RBFOX1: variants seen among roughly 807,000 people sequenced by gnomAD.
RBFOX1 encodes the protein RNA binding fox-1 homolog 1.
In RBFOX1, 8 loss-of-function variants were observed where a neutral mutation model predicts 57.7. The ratio of observed to expected loss-of-function variants is 0.14; its 90% CI spans 0.08 to 0.25. The LOEUF is 0.25. RBFOX1 is among the 10% of genes least tolerant of loss of function. RBFOX1 has a pLI of 1.00. For missense variants in RBFOX1, 611 were observed against 548.5 expected, an observed-to-expected ratio of 1.11 and a Z score of -1.14; for synonymous variants, 326 against 222.4, an observed-to-expected ratio of 1.47 and a Z score of -4.15.
At chr16:6,408,072 C>G (rs2093346563) in intron 2 of RBFOX1, among the ~76,000 whole-genome samples, 1 of 152,098 alleles carries the variant, frequency 6.6e-6, no homozygotes, top group Non-Finnish European at 1.5e-5. Flanking sequence ...ACAGAAGGCA[C>G]CATCTATAAG....
chr16:7,640,137 C>T (rs2062519859), intron 11 of RBFOX1, among the ~76,000 whole-genome samples: 1 of 152,186 alleles, frequency 6.6e-6, no homozygotes, highest in Non-Finnish European at 1.5e-5. Context: ...TATTTTTAAT[C>T]CCTGCAACCA....
chr16:6,797,121 G>C (rs889573217), intron 3 of RBFOX1, among the ~76,000 whole-genome samples: 1 of 152,178 alleles, frequency 6.6e-6, no homozygotes, highest in African/African-American at 2.4e-5. Flanking sequence ...AGGCTCTGCT[G>C]TTCGTTGTTT....
intron 5 of RBFOX1, among the ~76,000 whole-genome samples, chr16:7,552,807 C>T (rs192692872): frequency 7.4e-4 from 113 of 152,190 alleles, no homozygotes; most frequent in African/African-American, 2.6e-3. Flanking sequence ...CTCAGACTCT[C>T]GAGTAGCTGG....
chr16:5,284,506 A>T (rs1194701773), intron 1 of RBFOX1, among the ~76,000 whole-genome samples: 2 of 151,582 alleles, frequency 1.3e-5, no homozygotes, highest in East Asian at 3.9e-4. Context: ...GACACAAACA[A>T]ACAGTCTTTT....
At chr16:6,968,146 C>T (rs1010878122) in intron 3 of RBFOX1, among the ~76,000 whole-genome samples, 1 of 152,138 alleles carries the variant, frequency 6.6e-6, no homozygotes, top group Non-Finnish European at 1.5e-5. Context: ...CCGCTAGACT[C>T]GGCCTCAGGG....
chr16:6,522,918 G>A (rs570609242), intron 2 of RBFOX1, among the ~76,000 whole-genome samples: 2 of 151,972 alleles, frequency 1.3e-5, no homozygotes, highest in East Asian at 1.9e-4. Flanking sequence ...TTTTGGACTC[G>A]GGGACTTCGC....
intron 2 of RBFOX1, among the ~76,000 whole-genome samples, chr16:6,639,174 G>C (rs1236016977): frequency 1.3e-5 from 2 of 152,198 alleles, no homozygotes; most frequent in Non-Finnish European, 2.9e-5. Context: ...ATGTGCGCTA[G>C]CTCTGTTGAC....
chr16:6,883,275 C>A (rs1158124159), intron 3 of RBFOX1, among the ~76,000 whole-genome samples: 1 of 152,148 alleles, frequency 6.6e-6, no homozygotes, highest in African/African-American at 2.4e-5. Flanking sequence ...CCTAGACCTT[C>A]TTTTTGCTTG....
intron 4 of RBFOX1, among the ~76,000 whole-genome samples, chr16:5,999,472 TAAAAAC>T (rs2060548978): frequency 6.6e-6 from 1 of 152,146 alleles, no homozygotes; most frequent in Non-Finnish European, 1.5e-5. Context: ...CAAATTTCCT[TAAAAAC>T]AGATAATGAA....
rs147015125 is a variant in RBFOX1 at position 6,967,963 on chromosome 16, G to A, written c.-15-84094G>A. Among the ~76,000 whole-genome samples the A allele has an allele frequency of 5.9e-3, 902 of 152,254 alleles. 10 individuals are homozygous for A. Among genetic ancestry groups the A allele is most frequent in the African/African-American group, 0.02 (827 of 41,544 alleles). Reference sequence around the variant, plus strand: ...GTGCCAGAAGGATAAAAACGCTCGGGGAGAGAGGTTGGCAGTTCTGCTGAT... The same window carrying A: ...GTGCCAGAAGGATAAAAACGCTCGGAGAGAGAGGTTGGCAGTTCTGCTGAT... On this transcript the variant is annotated intron_variant, in intron 3 of 15. Transcript: ENST00000550418.
intron 1 of RBFOX1, among the ~76,000 whole-genome samples, chr16:5,371,715 C>T (rs759486859): frequency 6.6e-6 from 1 of 152,200 alleles, no homozygotes; most frequent in Admixed American, 6.5e-5. Context: ...ATAAGCCCTG[C>T]TGGCCATGTG....
intron 3 of RBFOX1, among the ~76,000 whole-genome samples, chr16:6,948,305 CAAAAT>C (rs1161622991): frequency 4.1e-4 from 59 of 143,714 alleles, no homozygotes; most frequent in African/African-American, 1.2e-3. Flanking sequence ...TTAAAACAAA[CAAAAT>C]AAAGCCAGGT....
At chr16:5,501,824 C>T (rs1357658706) in intron 2 of RBFOX1, among the ~76,000 whole-genome samples, 2 of 152,144 alleles carry the variant, frequency 1.3e-5, no homozygotes, top group Admixed American at 1.3e-4. Context: ...AGTGATTCTC[C>T]TGCCTCAGCC....
intron 3 of RBFOX1, among the ~76,000 whole-genome samples, chr16:6,864,880 A>G (rs560401999): frequency 2.0e-5 from 3 of 152,104 alleles, no homozygotes; most frequent in Non-Finnish European, 1.5e-5. Flanking sequence ...ATACTCATCA[A>G]AACAAGAGGG....
intron 3 of RBFOX1, among the ~76,000 whole-genome samples, chr16:6,727,045 G>GA (rs1181340807): frequency 2.6e-3 from 38 of 14,856 alleles, no homozygotes; most frequent in Non-Finnish European, 0.011. Flanking sequence ...CAGGTATTTG[G>GA]ACTGAACACA....
At chr16:7,555,023 G>A (rs2087875523) in intron 5 of RBFOX1, among the ~76,000 whole-genome samples, 1 of 152,090 alleles carries the variant, frequency 6.6e-6, no homozygotes, top group African/African-American at 2.4e-5. Flanking sequence ...AAAATACCTG[G>A]TAATTGTTTT....
At chr16:6,280,953 A>T (rs1460413569) in intron 1 of RBFOX1, among the ~76,000 whole-genome samples, 1 of 148,872 alleles carries the variant, frequency 6.7e-6, no homozygotes, top group Non-Finnish European at 1.5e-5. Context: ...CTAGCAACAT[A>T]TGTGTGTGTG....
chr16:7,215,925 G>C (rs567805835), intron 4 of RBFOX1, among the ~76,000 whole-genome samples: 8 of 152,144 alleles, frequency 5.3e-5, no homozygotes, highest in Non-Finnish European at 1.0e-4. Flanking sequence ...GGGTTTCACC[G>C]TGTTAGCCAG....
intron 4 of RBFOX1, among the ~76,000 whole-genome samples, chr16:7,248,117 G>A (rs946562264): frequency 6.6e-6 from 1 of 152,220 alleles, no homozygotes; most frequent in Admixed American, 6.5e-5. Flanking sequence ...AACTGTGAAT[G>A]AAGGCAAAGA....
Sources: allele counts gnomAD v4.1 joint callset (sites outside exome capture counted in the v4.1 genomes callset), GRCh38; gene constraint gnomAD v4.1.1; transcripts MANE v1.5; gene names NCBI Gene and HGNC (gene_info 2026-07-23, HGNC 2026-07-21).